Variants in GABRR3 observed in about 807,000 individuals in gnomAD.
GABRR3 encodes gamma-aminobutyric acid receptor subunit rho-3.
Under a neutral mutation model 43.2 loss-of-function variants are expected in GABRR3, and 29 were observed. The observed-to-expected ratio is 0.67, with a 90% CI of 0.50 to 0.92. GABRR3 has a LOEUF of 0.92. Ranked by LOEUF, GABRR3 falls within the 40% of genes least tolerant of loss-of-function variation. The pLI, the probability that GABRR3 is intolerant of heterozygous loss-of-function variation, is 0.00. For missense variants in GABRR3, 576 were observed against 572.3 expected (o/e 1.01, Z -0.07); for synonymous variants, 206 against 195.9 (o/e 1.05, Z -0.43).
At chr3:97,998,971 C>T (rs190288876) in intron 8 of GABRR3, 1 of 152,126 alleles carries the variant, frequency 6.6e-6, no homozygotes, top group Admixed American at 6.6e-5. Context: ...TCTCTAGTGT[C>T]CTCATTAGTT....
intron 3 of GABRR3, among the ~76,000 whole-genome samples, chr3:98,024,724 G>C (rs144087077): frequency 1.8e-4 from 27 of 152,282 alleles, no homozygotes; most frequent in African/African-American, 5.5e-4. Flanking sequence ...AGGAATTGTG[G>C]AAGTGGAAGG....
chr3:98,027,607 G>T (rs1055818965), intron 2 of GABRR3, among the ~76,000 whole-genome samples: 4 of 152,222 alleles, frequency 2.6e-5, no homozygotes, highest in Non-Finnish European at 4.4e-5. Context: ...ACCTGCACCT[G>T]TTCTAACTTG....
At chr3:97,992,315 A>T (rs1559773283) in intron 9 of GABRR3, among the ~76,000 whole-genome samples, 3 of 152,164 alleles carry the variant, frequency 2.0e-5, no homozygotes, top group Non-Finnish European at 2.9e-5. Context: ...GCACACACAC[A>T]GCCTTTGAAG....
chr3:98,004,609 C>T (rs1013183961), intron 7 of GABRR3, among the ~76,000 whole-genome samples: 3 of 150,386 alleles, frequency 2.0e-5, no homozygotes, highest in African/African-American at 7.4e-5. Context: ...CAGAAGCCCT[C>T]ATCTGCTTGT....
chr3:98,010,729 G>A (rs1447123631), intron 5 of GABRR3, among the ~76,000 whole-genome samples: 1 of 152,152 alleles, frequency 6.6e-6, no homozygotes, highest in South Asian at 2.1e-4. Context: ...TCTTTGTCCA[G>A]ATAGTGTCGT....
intron 8 of GABRR3, among the ~76,000 whole-genome samples, chr3:97,996,183 T>C (rs1706551235): frequency 1.3e-5 from 2 of 152,298 alleles, no homozygotes; most frequent in East Asian, 3.9e-4. Context: ...AGTAACTGTG[T>C]TGCAGGTAGT....
chr3:98,030,069 C>T (rs1255611754), intron 2 of GABRR3, among the ~76,000 whole-genome samples: 5 of 149,426 alleles, frequency 3.3e-5, no homozygotes, highest in East Asian at 2.0e-4. Flanking sequence ...GAGCCGAGAT[C>T]GTGTCACTGC....
intron 3 of GABRR3, 22 bp from the exon 4 acceptor site, chr3:98,017,744 A>G (rs1161056665): frequency 6.5e-7 from 1 of 1,527,576 alleles, no homozygotes; most frequent in South Asian, 1.1e-5. Context: ...AGAATGGTTA[A>G]TATGCTGAGG....
At chr3:98,031,214 G>A (rs572865796) in intron 2 of GABRR3, among the ~76,000 whole-genome samples, 7 of 152,246 alleles carry the variant, frequency 4.6e-5, no homozygotes, top group East Asian at 1.9e-4. Flanking sequence ...CTTGAAACAC[G>A]ACAGTTCCCA....
intron 8 of GABRR3, chr3:98,001,281 A>T (rs1353248992): frequency 4.1e-6 from 1 of 245,260 alleles, no homozygotes; most frequent in Non-Finnish European, 8.0e-6. Flanking sequence ...ATGGACTTGT[A>T]TAAAGCATGG....
intron 7 of GABRR3, among the ~76,000 whole-genome samples, chr3:98,005,756 T>C (rs1385529972): frequency 3.3e-5 from 5 of 152,184 alleles, no homozygotes; most frequent in African/African-American, 1.2e-4. Flanking sequence ...GTTGGATATA[T>C]GTTAATGGAT....
chr3:97,994,885 G>A (rs984525741), intron 8 of GABRR3, among the ~76,000 whole-genome samples: 1 of 152,182 alleles, frequency 6.6e-6, no homozygotes, highest in Non-Finnish European at 1.5e-5. Flanking sequence ...GACATTTTCA[G>A]TATGCCAATG....
At chr3:98,021,252 ATAGAG>A (rs959742056) in intron 3 of GABRR3, among the ~76,000 whole-genome samples, 3 of 152,080 alleles carry the variant, frequency 2.0e-5, no homozygotes, top group Non-Finnish European at 4.4e-5. Context: ...ATTCTTGAGG[ATAGAG>A]TAGAGAGTGA....
intron 4 of GABRR3, among the ~76,000 whole-genome samples, chr3:98,013,990 C>A (rs934470692): frequency 6.6e-6 from 1 of 151,960 alleles, no homozygotes; most frequent in Non-Finnish European, 1.5e-5. Context: ...GAGGGTGAGA[C>A]AAATCTTAAA....
At chr3:97,985,719 T>C (rs1706376183), downstream of GABRR3, among the ~76,000 whole-genome samples, 1 of 152,152 alleles carries the variant, frequency 6.6e-6, no homozygotes, top group Non-Finnish European at 1.5e-5. Flanking sequence ...AAACAATACA[T>C]GATCTACAAA....
chr3:98,028,713 G>A (rs1267830020), intron 2 of GABRR3, among the ~76,000 whole-genome samples: 4 of 152,050 alleles, frequency 2.6e-5, no homozygotes, highest in African/African-American at 9.7e-5. Flanking sequence ...AGAGGTCAGA[G>A]GGAAGTTAAA....
At chr3:98,010,854 CT>C in intron 5 of GABRR3, among the ~76,000 whole-genome samples, 1 of 152,208 alleles carries the variant, frequency 6.6e-6, no homozygotes, top group East Asian at 1.9e-4. Flanking sequence ...AACGCCAGTA[CT>C]TTGGGGGGCC....
exon 10 of GABRR3, chr3:97,986,788 A>G: frequency 6.2e-7 from 1 of 1,611,012 alleles, no homozygotes; most frequent in African/African-American, 1.3e-5. Context: ...GAATGATTCT[A>G]CCAACATGTC....
intron 5 of GABRR3, among the ~76,000 whole-genome samples, chr3:98,010,791 C>A (rs913837930): frequency 1.3e-5 from 2 of 152,186 alleles, no homozygotes; most frequent in Non-Finnish European, 2.9e-5. Context: ...GAGTCCTATG[C>A]TACTCCTGAC....
Sources: allele counts gnomAD v4.1 joint callset (sites outside exome capture counted in the v4.1 genomes callset), GRCh38; gene constraint gnomAD v4.1.1; transcripts MANE v1.5; gene names NCBI Gene and HGNC (gene_info 2026-07-23, HGNC 2026-07-21).